The following AGBL3 variants were observed in gnomAD, a reference collection of about 807,000 sequenced individuals.
AGBL3 encodes the protein cytosolic carboxypeptidase 3.
AGBL3 carries 68 observed loss-of-function variants against 94.5 expected under a neutral mutation model. The observed-to-expected ratio is 0.72, with a 90% CI of 0.59 to 0.88. AGBL3 has a LOEUF of 0.88. Among genes scored for constraint, AGBL3 ranks in the 40% least tolerant of loss-of-function variants. The pLI is 0.00. For missense variants in AGBL3, 934 were observed against 1,103.8 expected (o/e 0.85, Z 2.18); for synonymous variants, 354 against 370.7 (o/e 0.95, Z 0.52).
chr7:135,075,155 G>C (rs1375228713), intron 12 of AGBL3, among the ~76,000 whole-genome samples: 2 of 152,226 alleles, frequency 1.3e-5, no homozygotes, highest in South Asian at 4.2e-4. Context: ...CAGTCAAAAT[G>C]CTGACCATTT....
intron 15 of AGBL3, among the ~76,000 whole-genome samples, chr7:135,096,347 G>A (rs1822693780): frequency 6.7e-6 from 1 of 148,886 alleles, no homozygotes; most frequent in African/African-American, 2.5e-5. Flanking sequence ...AGGAAAGAAA[G>A]AAAGAAAGAG....
intron 12 of AGBL3, among the ~76,000 whole-genome samples, chr7:135,076,024 G>A (rs1820412865): frequency 6.6e-6 from 1 of 152,156 alleles, no homozygotes; most frequent in African/African-American, 2.4e-5. Context: ...GTCTCTTTAG[G>A]CTGTCCTTCT....
chr7:135,002,100 A>T (rs1269490066), intron 4 of AGBL3, among the ~76,000 whole-genome samples: 8 of 152,164 alleles, frequency 5.3e-5, no homozygotes, highest in Admixed American at 5.2e-4. Flanking sequence ...AGTCAGGGTA[A>T]TTCTAGTGAA....
rs551779930 is a variant in AGBL3 at position 134,989,428 on chromosome 7, G to T, written c.124+118G>T. 205 of 700,048 alleles carry T rather than the reference G, an allele frequency of 2.9e-4. 2 individuals are homozygous for T. The South Asian group carries it at 4.6e-3, about 16-fold the overall frequency. 43.4% of individuals were successfully genotyped at this position (700,048 alleles called of 1,614,324 possible). A position where few individuals can be genotyped will look rare whatever the true frequency, so the allele number is the denominator to read the frequency against. ...TAGGGAATGATTATTCTAGTAGATT[G>T]TGAAAGAGAACTGTATCTACTTGCA... is the stretch of plus-strand genomic sequence containing the variant. On this transcript the variant is annotated intron_variant, in intron 3 of 16. Coordinates refer to ENST00000436302, the MANE Select transcript of AGBL3 (RefSeq NM_178563.4).
chr7:135,004,599 T>C (rs765241631), intron 4 of AGBL3, among the ~76,000 whole-genome samples: 37 of 144,744 alleles, frequency 2.6e-4, no homozygotes, highest in Non-Finnish European at 4.1e-4. Context: ...ACATCTAAGT[T>C]TCCTATATAT....
At chr7:135,074,251 C>A (rs777926749) in intron 12 of AGBL3, among the ~76,000 whole-genome samples, 1 of 152,132 alleles carries the variant, frequency 6.6e-6, no homozygotes, top group Non-Finnish European at 1.5e-5. Flanking sequence ...AAAGATGATT[C>A]TTATCAGGCT....
intron 15 of AGBL3, among the ~76,000 whole-genome samples, chr7:135,105,208 T>G (rs2117070826): frequency 6.6e-6 from 1 of 152,110 alleles, no homozygotes; most frequent in Admixed American, 6.6e-5. Flanking sequence ...TCGCTGGGAT[T>G]ACAGGTGCCC....
intron 15 of AGBL3, among the ~76,000 whole-genome samples, chr7:135,113,291 TAAAC>T (rs1184620136): frequency 6.6e-6 from 1 of 152,180 alleles, no homozygotes; most frequent in Non-Finnish European, 1.5e-5. Flanking sequence ...TTTTCAAACA[TAAAC>T]AAAAGTAGAA....
chr7:135,060,428 T>C (rs559960416), intron 12 of AGBL3, among the ~76,000 whole-genome samples: 4 of 152,290 alleles, frequency 2.6e-5, no homozygotes, highest in South Asian at 4.1e-4. Context: ...AATCTATTCT[T>C]AGCAATTTTC....
At chr7:135,026,730 T>C (rs1460817066) in intron 5 of AGBL3, among the ~76,000 whole-genome samples, 1 of 151,718 alleles carries the variant, frequency 6.6e-6, no homozygotes, top group African/African-American at 2.4e-5. Context: ...TATGAAATTA[T>C]ATTTTAATTC....
intron 5 of AGBL3, among the ~76,000 whole-genome samples, chr7:135,019,011 C>T (rs1223142710): frequency 6.6e-6 from 1 of 152,202 alleles, no homozygotes; most frequent in East Asian, 1.9e-4. Context: ...GCAGCTCCAG[C>T]CCCAGGCAAA....
intron 4 of AGBL3, among the ~76,000 whole-genome samples, chr7:135,013,467 A>G (rs950774689): frequency 6.6e-6 from 1 of 152,228 alleles, no homozygotes; most frequent in African/African-American, 2.4e-5. Context: ...TCCATATTAG[A>G]GAACAGTATA....
intron 4 of AGBL3, among the ~76,000 whole-genome samples, chr7:134,997,810 G>C (rs1259897316): frequency 6.6e-6 from 1 of 152,204 alleles, no homozygotes; most frequent in Non-Finnish European, 1.5e-5. Context: ...GGCCTGCTGA[G>C]TTAATCATTT....
chr7:135,026,113 T>C (rs927754783), intron 5 of AGBL3, among the ~76,000 whole-genome samples: 8 of 151,278 alleles, frequency 5.3e-5, no homozygotes, highest in Admixed American at 6.6e-5. Context: ...TTCTTCTCAT[T>C]TGCACATGAA....
At chr7:135,124,220 C>CAAAAAA (rs369396148) in intron 16 of AGBL3, among the ~76,000 whole-genome samples, 2 of 138,190 alleles carry the variant, frequency 1.4e-5, no homozygotes, top group Non-Finnish European at 1.6e-5. Context: ...AAATGGAAAG[C>CAAAAAA]AAAAAAAAAA....
In AGBL3 at chr7:135,045,567, G is replaced by A. The variant is rs769566705; in HGVS notation, c.1721G>A (p.Arg574Gln). 5.8e-6 allele frequency: 9 copies of A among 1,550,644 alleles called. No homozygotes were observed. The highest frequency in any genetic ancestry group is 2.0e-5 in the Admixed American group (1 of 50,954). ...DSLLDYCDPD[R>Q]TKYYRCLKEL... is the part of the protein sequence containing the mutation. ...CTCTTGGATTATTGTGATCCCGACC[G>A]GACCAAGGTAAGCAAAGTCCATTTG... Residue 574 changes from arginine (R) to glutamine (Q), a missense_variant, in exon 10 of 17, where the codon CGG becomes CAG. Physicochemically the swap from Arg to Gln is conservative, Grantham distance 43 (BLOSUM62 1). This residue lies in a region of AGBL3 where 441 missense variants were observed against 518.2 expected (regional missense o/e 0.85). Transcript: ENST00000436302.
At chr7:135,124,709 C>T (rs888650881) in intron 16 of AGBL3, among the ~76,000 whole-genome samples, 10 of 152,230 alleles carry the variant, frequency 6.6e-5, no homozygotes, top group Admixed American at 2.0e-4. Context: ...TCTCAGACCA[C>T]AGTGCAATCA....
intron 16 of AGBL3, among the ~76,000 whole-genome samples, chr7:135,122,085 G>T (rs527829181): frequency 1.3e-5 from 2 of 152,336 alleles, no homozygotes; most frequent in South Asian, 2.1e-4. Flanking sequence ...GAGTTCCTTG[G>T]GGGAGGGGCA....
rs1242980636 is a variant in AGBL3 at position 134,993,478 on chromosome 7, G to C, written c.125-15G>C. 5.3e-6 allele frequency: 8 copies of C among 1,523,084 alleles called. No homozygotes were observed. The highest frequency in any genetic ancestry group is 6.2e-6 in the Non-Finnish European group (7 of 1,132,934). 94.3% of individuals were successfully genotyped at this position (1,523,084 alleles called of 1,614,324 possible). On this transcript the variant is annotated splice_polypyrimidine_tract_variant and intron_variant, in intron 3 of 16. Coordinates refer to ENST00000436302, the MANE Select transcript of AGBL3 (RefSeq NM_178563.4). ...CTTCTTCCCACTCATGATTGTGTTT[G>C]AATCTTTTTCTCAGCTGACTCTTTT...
Sources: allele counts gnomAD v4.1 joint callset (sites outside exome capture counted in the v4.1 genomes callset), GRCh38; gene constraint gnomAD v4.1.1; regional missense constraint gnomAD v4.1.1; transcripts MANE v1.5; gene names NCBI Gene and HGNC (gene_info 2026-07-23, HGNC 2026-07-21).